The following NDE1 variants were observed in gnomAD, a reference collection of about 807,000 sequenced individuals.
The protein encoded by NDE1 is nuclear distribution protein nudE homolog 1.
A neutral mutation model predicts 43.4 loss-of-function variants in NDE1; 28 were observed. That is an observed-to-expected ratio of 0.65 (90% CI 0.48 to 0.89). NDE1 has a LOEUF of 0.89. NDE1 is among the 40% of genes least tolerant of loss of function. NDE1 has a pLI of 0.00. For synonymous variants in NDE1, 184 were observed against 172.0 expected (o/e 1.07, Z -0.55); for missense variants, 441 against 434.1 (o/e 1.02, Z -0.14).
intron 8 of NDE1, among the ~76,000 whole-genome samples, chr16:15,707,027 C>G (rs1198708630): frequency 6.6e-6 from 1 of 152,124 alleles, no homozygotes. Flanking sequence ...CTTAAAGGGT[C>G]TGATCCTGGA....
intron 4 of NDE1, 51 bp from the exon 5 acceptor site, chr16:15,687,324 A>G (rs770977558): frequency 1.2e-5 from 20 of 1,613,154 alleles, no homozygotes; most frequent in East Asian, 1.1e-4. Context: ...GCGGTGCTGG[A>G]GGGATGCTGC....
At chr16:15,721,614 G>A (rs2040488956) in intron 8 of NDE1, 2 of 1,614,192 alleles carry the variant, frequency 1.2e-6, no homozygotes, top group Non-Finnish European at 1.7e-6. Flanking sequence ...TGGAAGAGAT[G>A]TTTTTCTCCT....
At chr16:15,677,589 A>AG (rs1318960383) in intron 3 of NDE1, among the ~76,000 whole-genome samples, 162 of 150,814 alleles carry the variant, frequency 1.1e-3, no homozygotes, top group African/African-American at 3.7e-3. Context: ...CGGCCTCAAA[A>AG]GAAAAAAAAA....
intron 4 of NDE1, chr16:15,686,940 A>C (rs2038467795): frequency 2.0e-6 from 2 of 978,666 alleles, no homozygotes; most frequent in South Asian, 9.5e-5. Context: ...CAGGTCTTCC[A>C]CCTGCCTCGG....
intron 1 of NDE1, among the ~76,000 whole-genome samples, chr16:15,664,394 T>C (rs1264966916): frequency 1.3e-5 from 2 of 152,148 alleles, no homozygotes; most frequent in Non-Finnish European, 2.9e-5. Context: ...TCTCGGTCTG[T>C]CACTCAAGCT....
At chr16:15,704,071 C>G (rs773572276) in intron 8 of NDE1, 1 of 1,614,152 alleles carries the variant, frequency 6.2e-7, no homozygotes. Context: ...TTTTCAATAA[C>G]TCTACGTCCT....
In NDE1 at chr16:15,721,039, C is replaced by G. The variant is rs769993550; in HGVS notation, c.948-3152C>G. The G allele has an allele frequency of 1.2e-6, 2 of 1,613,994 alleles. No homozygotes were observed. The highest frequency in any genetic ancestry group is 1.1e-5 in the South Asian group (1 of 91,074). ...GTCTCCAGGGCCCGCTTGGACTTCT[C>G]CAGCTCATGGACCTGCCGGCAGAGC... is the stretch of plus-strand genomic sequence containing the variant. On this transcript the variant is annotated intron_variant, in intron 8 of 8. Transcript: ENST00000396354.
At chr16:15,719,813 GT>G (rs1302086291) in intron 8 of NDE1, 2 of 1,530,276 alleles carry the variant, frequency 1.3e-6, no homozygotes, top group Non-Finnish European at 1.8e-6. Flanking sequence ...ATTTTCTGCA[GT>G]TGACCACAAA....
At chr16:15,671,671 G>A (rs1052556633) in intron 3 of NDE1, among the ~76,000 whole-genome samples, 2 of 152,078 alleles carry the variant, frequency 1.3e-5, no homozygotes, top group African/African-American at 4.8e-5. Context: ...AATGAGCAAT[G>A]ATTATCGTTC....
chr16:15,669,953 A>G (rs1023517054), intron 3 of NDE1, among the ~76,000 whole-genome samples: 1 of 152,180 alleles, frequency 6.6e-6, no homozygotes, highest in Non-Finnish European at 1.5e-5. Context: ...CCTTCTGTAC[A>G]TGCTGTAGGG....
intron 7 of NDE1, chr16:15,695,559 G>C: frequency 1.0e-6 from 1 of 983,876 alleles, no homozygotes; most frequent in East Asian, 1.1e-4. Context: ...CAGCTTTTAT[G>C]TTAATTACAG....
intron 1 of NDE1, chr16:15,651,704 T>G (rs560177260): frequency 1.3e-5 from 2 of 152,134 alleles, no homozygotes; most frequent in African/African-American, 4.8e-5. Context: ...CCTCCCAAAG[T>G]GCTGGGATTA....
chr16:15,699,587 C>G (rs2039156730), intron 8 of NDE1: 2 of 1,202,706 alleles, frequency 1.7e-6, no homozygotes, highest in South Asian at 1.5e-5. Flanking sequence ...TCCTCTTCTT[C>G]ATTTCACAGG....
chr16:15,718,575 C>T (rs2040296436), intron 8 of NDE1: 1 of 1,312,014 alleles, frequency 7.6e-7, no homozygotes, highest in Admixed American at 2.4e-5. Flanking sequence ...GATTAGAAGA[C>T]TCATCTGTAG....
At chr16:15,645,752 T>C (rs2036319399), upstream of NDE1, among the ~76,000 whole-genome samples, 2 of 152,262 alleles carry the variant, frequency 1.3e-5, no homozygotes, top group Non-Finnish European at 2.9e-5. Context: ...GTCCAAATTA[T>C]AGTCTTCACA....
chr16:15,711,081 C>G (rs1227305558), intron 8 of NDE1: 1 of 152,264 alleles, frequency 6.6e-6, no homozygotes, highest in East Asian at 1.9e-4. Flanking sequence ...CCTGGTTTCT[C>G]TCCTATCCAT....
At chr16:15,720,805 A>T in intron 8 of NDE1, 7 of 1,594,894 alleles carry the variant, frequency 4.4e-6, no homozygotes, top group Non-Finnish European at 6.0e-6. Context: ...AGGCCACCCG[A>T]CCTCCCTCTG....
chr16:15,693,649 T>C (rs757266541), intron 6 of NDE1, among the ~76,000 whole-genome samples: 1 of 151,440 alleles, frequency 6.6e-6, no homozygotes, highest in Non-Finnish European at 1.5e-5. Flanking sequence ...AAAAAAAAAA[T>C]TTGTTAAAGG....
At chr16:15,680,619 A>C (rs2038127963) in intron 4 of NDE1, among the ~76,000 whole-genome samples, 1 of 152,140 alleles carries the variant, frequency 6.6e-6, no homozygotes, top group Non-Finnish European at 1.5e-5. Context: ...AGGTCACTGC[A>C]ACCACTGCCT....
Sources: gnomAD v4.1 joint callset for allele counts (sites outside exome capture counted in the v4.1 genomes callset) on GRCh38, gnomAD v4.1.1 for gene constraint, MANE v1.5 for transcripts, NCBI Gene and HGNC (gene_info 2026-07-23, HGNC 2026-07-21) for gene names.